The following COL20A1 variants were observed in gnomAD, a reference collection of about 807,000 sequenced individuals.
The protein encoded by COL20A1 is collagen alpha-1(XX) chain.
In COL20A1, 164 loss-of-function variants were observed where a neutral mutation model predicts 152.9. The ratio of observed to expected loss-of-function variants is 1.07; its 90% confidence interval spans 0.94 to 1.22. The LOEUF is 1.22. Among genes scored for constraint, COL20A1 ranks in the 50% most tolerant of loss-of-function variants. COL20A1 has a pLI of 0.00. For missense variants in COL20A1, 1,873 were observed against 1,744.8 expected (o/e 1.07, Z -1.31); for synonymous variants, 864 against 756.0 (o/e 1.14, Z -2.34).
In COL20A1 at chr20:63,319,166, G is replaced by T; in HGVS notation, c.2772G>T (p.Glu924Asp). The T allele has an allele frequency of 1.2e-6, 2 of 1,612,830 alleles. No individual in the cohort carries two copies. Among genetic ancestry groups the T allele is most frequent in the Non-Finnish European group, 8.5e-7 (1 of 1,179,734 alleles). Residue 924 changes from glutamate (E) to aspartate (D), a missense_variant, in exon 22 of 36, where the codon GAG becomes GAT. Physicochemically the swap from Glu to Asp is conservative, Grantham distance 45. Transcript: ENST00000358894. This position sits in a 1 kb window ranked among gnomAD's most constrained non-coding sequence, Gnocchi z 4.4. Reference protein sequence around the residue: ...EAFALWQMTAEDFQPLLGVLL... With the variant: ...EAFALWQMTADDFQPLLGVLL... ...TCGCGCTGTGGCAGATGACAGCCGA[G>T]GACTTCCAGCCCCTCCTTGGGGTTC...
rs1389754726 is a variant in COL20A1 at position 63,310,583 on chromosome 20, AC to A, written c.1393+77del. The A allele has an allele frequency of 4.2e-6, 6 of 1,443,818 alleles. No individual in the cohort carries two copies. The African/African-American group carries it at 8.5e-5, about 20-fold the overall frequency. 89.4% of individuals were successfully genotyped at this position (1,443,818 alleles called of 1,614,324 possible). ...TCACGGCTGTCCCTTGGAGCCTGAC[AC>A]CCCAGGGCAGCATAGCGAGCAGCTC... is the stretch of plus-strand genomic sequence containing the variant. On this transcript the variant is annotated intron_variant, in intron 11 of 35. Transcript: ENST00000358894.
At chr20:63,297,865 T>C in intron 2 of COL20A1, 45 bp from the exon 3 acceptor site, 2 of 1,470,218 alleles carry the variant, frequency 1.4e-6, no homozygotes, top group Non-Finnish European at 1.9e-6. Flanking sequence ...ATTAGGTGGA[T>C]GGGGAGGCCA....
Position 63,319,642 on chromosome 20 carries a change from G to C in COL20A1, c.2916+46G>C, listed in dbSNP as rs1180819761. The C allele has an allele frequency of 7.2e-7, 1 of 1,393,106 alleles. No individual in the cohort carries two copies. Among genetic ancestry groups the C allele is most frequent in the South Asian group, 1.2e-5 (1 of 80,228 alleles). 86.3% of individuals were successfully genotyped at this position (1,393,106 alleles called of 1,614,324 possible). ...CCTCTCCCCCGTTCCCCCAGCTCTG[G>C]GGCAGCCCAGCCCCACAGGGACCTG... On this transcript the variant is annotated intron_variant, in intron 23 of 35. Coordinates refer to ENST00000358894, the MANE Select transcript of COL20A1 (RefSeq NM_020882.4). The surrounding 1 kb of genome is among the most constrained non-coding windows in gnomAD (Gnocchi z 4.4).
In COL20A1 at chr20:63,311,786, G is replaced by C; in HGVS notation, c.1663+38G>C. On this transcript the variant is annotated intron_variant, in intron 13 of 35. Coordinates refer to ENST00000358894, the MANE Select transcript of COL20A1 (RefSeq NM_020882.4). The surrounding 1 kb of genome is among the most constrained non-coding windows in gnomAD (Gnocchi z 4.4). ...ACCCCGGCTGCCTGCCCACAGGCGG[G>C]TGCCCCATCTTGTTCCTCAGCCTTC... The C allele has an allele frequency of 6.4e-7, 1 of 1,561,022 alleles. No individual in the cohort carries two copies. The highest frequency in any genetic ancestry group is 8.6e-7 in the Non-Finnish European group (1 of 1,159,732).
At position 63,327,952 on chromosome 20, in the gene COL20A1, G is replaced by C; in HGVS notation, c.3529G>C (p.Gly1177Arg). 2 of 1,599,602 alleles carry C rather than the reference G, an allele frequency of 1.3e-6. No individual in the cohort carries two copies. Among genetic ancestry groups the C allele is most frequent in the Non-Finnish European group, 1.7e-6 (2 of 1,172,674 alleles). The change falls in exon 32 of 36, where the codon GGA becomes CGA. Residue 1177 changes from glycine to arginine, a missense_variant and splice_region_variant. Coordinates refer to ENST00000358894, the MANE Select transcript of COL20A1 (RefSeq NM_020882.4). The part of the protein sequence containing the change: ...RGPPGTVGPT[G>R]LPGPKGERGE... ...TCTTTTCTCTTCCCCTCCTCATCAG[G>C]GACTGCCAGGGCCCAAAGGGGAACG...
intron 1 of COL20A1, among the ~76,000 whole-genome samples, chr20:63,293,872 AG>A (rs904438429): frequency 1.7e-4 from 2 of 12,018 alleles, no homozygotes; most frequent in Non-Finnish European, 3.2e-4. Context: ...ACACACTGGG[AG>A]GGGGCGTGTA....
In COL20A1 at chr20:63,313,964, C is replaced by G; in HGVS notation, c.2358+73C>G. ...GGAAGGGGTATGGCCACACTGTCTG[C>G]GAAGGGTGGCAGCTCTGCCATGGCG... is the stretch of plus-strand genomic sequence containing the variant. On this transcript the variant is annotated intron_variant, in intron 18 of 35. Coordinates refer to ENST00000358894, the MANE Select transcript of COL20A1 (RefSeq NM_020882.4). This position sits in a 1 kb window ranked among gnomAD's most constrained non-coding sequence, Gnocchi z 5.9. The G allele has an allele frequency of 1.3e-6, 2 of 1,591,118 alleles. No individual in the cohort carries two copies. Among genetic ancestry groups the G allele is most frequent in the Non-Finnish European group, 1.7e-6 (2 of 1,168,306 alleles).
Position 63,328,254 on chromosome 20 carries a change from G to A in COL20A1, c.3614-77G>A, listed in dbSNP as rs539183476. On this transcript the variant is annotated intron_variant, in intron 33 of 35. Transcript: ENST00000358894. ...CCCATCGTTAGCACACCTGGGCCAG[G>A]TGTCCTGGCGTGGCCTGCACAGGCC... The A allele has an allele frequency of 1.5e-5, 23 of 1,554,208 alleles. 1 individual carries two copies. The South Asian group carries it at 2.2e-4, about 15-fold the overall frequency.
At position 63,309,425 on chromosome 20, in the gene COL20A1, G is replaced by A. The variant is rs374160831; in HGVS notation, c.1033G>A (p.Gly345Ser). The A allele has an allele frequency of 1.3e-4, 209 of 1,549,256 alleles. 1 individual carries two copies. The highest frequency in any genetic ancestry group is 1.7e-4 in the Non-Finnish European group (191 of 1,145,680). ...CAGCGTGCTGGACTTCCTGCAGCTC[G>A]GCGCGCTGGCTGGCCTGCTCAGCCG... is the stretch of plus-strand genomic sequence containing the variant. ...VHSVLDFLQL[G>S]ALAGLLSRLI... Residue 345 changes from glycine to serine, a missense_variant, in exon 9 of 36, where the codon GGC becomes AGC. Transcript: ENST00000358894.
chr20:63,309,727 C>A, intron 9 of COL20A1, 31 bp from the exon 10 acceptor site: 1 of 1,523,328 alleles, frequency 6.6e-7, no homozygotes, highest in South Asian at 1.3e-5. Flanking sequence ...GTGCAGTGAC[C>A]ACCTGCCCCC....
chr20:63,316,903 G>A (rs2068092249), intron 21 of COL20A1, among the ~76,000 whole-genome samples: 1 of 152,260 alleles, frequency 6.6e-6, no homozygotes, highest in Non-Finnish European at 1.5e-5. Context: ...CATGGGCAGA[G>A]TGAGGCCAGC....
In COL20A1 at chr20:63,306,701, G is replaced by A. The variant is rs2123390184; in HGVS notation, c.496+662G>A. Reference sequence around the variant, plus strand: ...GTGTCTGCCCATAAGGCCCCCGTAGGCAGGGCTGGGCTTCCCCATAGAACT... The same window carrying A: ...GTGTCTGCCCATAAGGCCCCCGTAGACAGGGCTGGGCTTCCCCATAGAACT... On this transcript the variant is annotated intron_variant, in intron 5 of 35. Transcript: ENST00000358894. The surrounding 1 kb of genome is among the most constrained non-coding windows in gnomAD (Gnocchi z 6.9). Among the ~76,000 whole-genome samples, 2 of 152,356 alleles carry A rather than the reference G, an allele frequency of 1.3e-5. No individual in the cohort carries two copies. The highest frequency in any genetic ancestry group is 6.8e-3 in the Middle Eastern group (2 of 294).
At position 63,321,922 on chromosome 20, in the gene COL20A1, G is replaced by C. The variant is rs893470822; in HGVS notation, c.3241-136G>C. ...CCTGGAAACCCCTTCTCTTCCCCTT[G>C]ACAGCAGTGGACAGTCTGGGGCTGG... On this transcript the variant is annotated intron_variant, in intron 26 of 35. Transcript: ENST00000358894. The C allele has an allele frequency of 2.1e-5, 13 of 612,052 alleles. No individual in the cohort carries two copies. The African/African-American group carries it at 2.2e-4, about 10-fold the overall frequency. The allele number at this position is 612,052 out of a possible 1,614,324, so 37.9% of individuals were successfully genotyped here.
chr20:63,305,437 A>G lies in COL20A1; in HGVS notation c.214A>G (p.Ile72Val). The G allele has an allele frequency of 6.3e-7, 1 of 1,584,814 alleles. No homozygotes were observed. The highest frequency in any genetic ancestry group is 8.6e-7 in the Non-Finnish European group (1 of 1,168,076). Residue 72 changes from isoleucine to valine, a missense_variant, in exon 4 of 36, where the codon ATA becomes GTA. Ile to Val is a conservative substitution (Grantham distance 29, BLOSUM62 3). Coordinates refer to ENST00000358894, the MANE Select transcript of COL20A1 (RefSeq NM_020882.4). This position sits in a 1 kb window ranked among gnomAD's most constrained non-coding sequence, Gnocchi z 4.9. ...PMAGDSEQEV[I>V]LTTKTPKATV... ...CCCAGGGGACTCGGAACAGGAGGTG[A>G]TACTGACCACCAAGACCCCTAAGGC...
intron 19 of COL20A1, 118 bp downstream of exon 19, chr20:63,314,319 T>G: frequency 1.1e-6 from 1 of 886,476 alleles, no homozygotes; most frequent in South Asian, 1.7e-5. Flanking sequence ...CCAGACCTAG[T>G]TGACCCCAGG....
At chr20:63,315,467 G>T (rs1470288913) in intron 20 of COL20A1, 28 bp downstream of exon 20, 2 of 1,552,746 alleles carry the variant, frequency 1.3e-6, no homozygotes, top group Non-Finnish European at 1.7e-6. Flanking sequence ...TCCCCTGCCT[G>T]CCCACCCACA....
At position 63,319,645 on chromosome 20, in the gene COL20A1, C is replaced by T. The variant is rs767469154; in HGVS notation, c.2916+49C>T. On this transcript the variant is annotated intron_variant, in intron 23 of 35. Transcript: ENST00000358894. The surrounding 1 kb of genome is among the most constrained non-coding windows in gnomAD (Gnocchi z 4.4). ...CTCCCCCGTTCCCCCAGCTCTGGGG[C>T]AGCCCAGCCCCACAGGGACCTGCCG... 6 of 1,348,096 alleles carry T rather than the reference C, an allele frequency of 4.5e-6. No individual in the cohort carries two copies. The highest frequency in any genetic ancestry group is 2.5e-5 in the East Asian group (1 of 40,006). The allele number at this position is 1,348,096 out of a possible 1,614,324, so 83.5% of individuals were successfully genotyped here.
chr20:63,310,240 T>C (rs2067986919), intron 10 of COL20A1, 141 bp from the exon 11 acceptor site: 1 of 872,412 alleles, frequency 1.1e-6, no homozygotes, highest in African/African-American at 1.7e-5. Flanking sequence ...CTGTCGTAGG[T>C]ACAGGGAGCC....
At chr20:63,315,909 C>T (rs375305282) in intron 20 of COL20A1, among the ~76,000 whole-genome samples, 18 of 152,338 alleles carry the variant, frequency 1.2e-4, no homozygotes, top group African/African-American at 3.4e-4. Flanking sequence ...CTGCTGGCAG[C>T]GCTGATAAGC....
Sources: gnomAD v4.1 joint callset for allele counts (sites outside exome capture counted in the v4.1 genomes callset) on GRCh38, gnomAD v4.1.1 for gene constraint, Gnocchi (gnomAD v3.1) non-coding constraint, MANE v1.5 for transcripts, NCBI Gene and HGNC (gene_info 2026-07-23, HGNC 2026-07-21) for gene names.